RANBP17: variants seen among roughly 807,000 people sequenced by gnomAD.
RANBP17 encodes the protein ran-binding protein 17.
Under a neutral mutation model 141.2 loss-of-function variants are expected in RANBP17, and 158 were observed. The observed-to-expected ratio is 1.12, with a 90% CI of 0.98 to 1.28. The LOEUF (loss-of-function observed/expected upper bound fraction) is 1.28, where lower values mean the gene tolerates loss of function less well. Ranked by LOEUF, RANBP17 falls within the 50% of genes most tolerant of loss-of-function variation. The probability of loss-of-function intolerance (pLI) is 0.00; values close to 1 mark genes in which losing one functional copy is unlikely to be tolerated. For missense variants in RANBP17, 1,438 were observed against 1,290.7 expected, an observed-to-expected ratio of 1.11 and a Z score of -1.75; for synonymous variants, 430 against 450.0, an observed-to-expected ratio of 0.96 and a Z score of 0.56.
intron 21 of RANBP17, among the ~76,000 whole-genome samples, chr5:171,221,103 T>A (rs1763528254): frequency 6.6e-6 from 1 of 152,228 alleles, no homozygotes; most frequent in South Asian, 2.1e-4. Context: ...AAATCAAATA[T>A]GTCAGGAGGT....
intron 14 of RANBP17, among the ~76,000 whole-genome samples, chr5:171,140,050 G>T (rs1426002835): frequency 6.6e-6 from 1 of 152,010 alleles, no homozygotes. Context: ...ATTCTCTTCT[G>T]TTTCTCCCAA....
chr5:170,966,417 A>G (rs1192133160), intron 13 of RANBP17, among the ~76,000 whole-genome samples: 2 of 152,214 alleles, frequency 1.3e-5, no homozygotes, highest in African/African-American at 4.8e-5. Flanking sequence ...GTAATCCAGC[A>G]TATAAACAGA....
intron 24 of RANBP17, among the ~76,000 whole-genome samples, chr5:171,254,633 G>T (rs534897188): frequency 4.6e-5 from 7 of 152,270 alleles, no homozygotes; most frequent in African/African-American, 1.7e-4. Context: ...GTTTTAAGAA[G>T]TAATATATGT....
intron 23 of RANBP17, 56 bp from the exon 24 acceptor site, chr5:171,242,626 G>A (rs2127997523): frequency 1.9e-6 from 3 of 1,578,392 alleles, no homozygotes; most frequent in Non-Finnish European, 2.6e-6. Context: ...TCACTGGACT[G>A]TAACATGTAT....
chr5:170,964,273 A>T (rs1273711413), intron 13 of RANBP17, among the ~76,000 whole-genome samples: 1 of 152,206 alleles, frequency 6.6e-6, no homozygotes, highest in East Asian at 1.9e-4. Flanking sequence ...CATATGCAAG[A>T]TTGTTAATTG....
intron 16 of RANBP17, among the ~76,000 whole-genome samples, chr5:171,175,417 C>T (rs1165953493): frequency 6.6e-5 from 10 of 152,050 alleles, no homozygotes; most frequent in African/African-American, 1.7e-4. Flanking sequence ...AGTGTAAAAG[C>T]GTTCCTGTTT....
chr5:170,896,144 C>G, intron 5 of RANBP17, 29 bp downstream of exon 5: 1 of 1,487,556 alleles, frequency 6.7e-7, no homozygotes, highest in African/African-American at 1.4e-5. Flanking sequence ...CTAACAGGAG[C>G]CTGAGTTTGC....
intron 14 of RANBP17, among the ~76,000 whole-genome samples, chr5:171,098,020 T>C (rs532152007): frequency 6.6e-6 from 1 of 152,290 alleles, no homozygotes; most frequent in East Asian, 1.9e-4. Context: ...CCACATTTGC[T>C]TTATCCAGTC....
Position 170,953,657 on chromosome 5 carries a change from C to A in RANBP17, c.1529C>A (p.Thr510Asn), listed in dbSNP as rs749756483. 1 of 1,611,240 alleles carries A rather than the reference C, an allele frequency of 6.2e-7. No homozygotes were observed. Among genetic ancestry groups the A allele is most frequent in the Non-Finnish European group, 8.5e-7 (1 of 1,177,704 alleles). The change falls in exon 13 of 28, where the codon ACC becomes AAC. Residue 510 changes from threonine (T) to asparagine (N), a missense_variant. Coordinates refer to ENST00000523189, the MANE Select transcript of RANBP17 (RefSeq NM_022897.5). Reference sequence around the variant, plus strand: ...GTTGTAGGAGGAAGATTAACATATACCAGTACAGATGAGCATGATGCTATG... The same window carrying A: ...GTTGTAGGAGGAAGATTAACATATAACAGTACAGATGAGCATGATGCTATG... ...GTVVGGRLTY[T>N]STDEHDAMDG...
chr5:171,018,439 G>T (rs1208061762), intron 14 of RANBP17, among the ~76,000 whole-genome samples: 1 of 152,136 alleles, frequency 6.6e-6, no homozygotes, highest in Non-Finnish European at 1.5e-5. Flanking sequence ...TCCTTGAGCA[G>T]TTGTTTGTAG....
At chr5:171,047,019 T>TG (rs1782631979) in intron 14 of RANBP17, among the ~76,000 whole-genome samples, 1 of 145,054 alleles carries the variant, frequency 6.9e-6, no homozygotes, top group African/African-American at 2.5e-5. Context: ...TTTGCCTTTT[T>TG]TTTTTTTTTT....
At chr5:171,045,492 ATTTATAG>A (rs1782523720) in intron 14 of RANBP17, among the ~76,000 whole-genome samples, 1 of 152,150 alleles carries the variant, frequency 6.6e-6, no homozygotes, top group Admixed American at 6.5e-5. Flanking sequence ...AAAAAGAAAG[ATTTATAG>A]TAATAATGTA....
intron 14 of RANBP17, chr5:170,983,064 G>A: frequency 2.0e-6 from 1 of 505,256 alleles, no homozygotes; most frequent in Non-Finnish European, 3.9e-6. Context: ...TCTTTTACCA[G>A]GAAGTTGCTG....
rs755246243 is a variant in RANBP17, at chr5:171,242,779, T to C, written c.2735T>C (p.Met912Thr). 3.7e-6 allele frequency: 6 copies of C among 1,613,738 alleles called. No homozygotes were observed. Among genetic ancestry groups the C allele is most frequent in the Non-Finnish European group, 5.1e-6 (6 of 1,179,692 alleles). ...ATCAACTTAGAGCCTCCTGTACTCA[T>C]GTATGTTCTCACATCTATCTCAGAG... ...FIINLEPPVL[M>T]YVLTSISEGL... The change falls in exon 24 of 28, where the codon ATG (methionine) becomes ACG (threonine). Residue 912 changes from methionine to threonine, a missense_variant. Coordinates refer to ENST00000523189, the MANE Select transcript of RANBP17 (RefSeq NM_022897.5).
chr5:171,089,250 G>C (rs202000706), intron 14 of RANBP17, among the ~76,000 whole-genome samples: 1 of 87,442 alleles, frequency 1.1e-5, no homozygotes, highest in African/African-American at 3.2e-5. Flanking sequence ...TGCTGGGGGG[G>C]GCCTCCCAGT....
intron 16 of RANBP17, among the ~76,000 whole-genome samples, chr5:171,171,769 T>G (rs1454286963): frequency 2.0e-5 from 3 of 152,010 alleles, no homozygotes; most frequent in African/African-American, 7.2e-5. Context: ...AAAGGCACAA[T>G]GGAGTAATAC....
intron 12 of RANBP17, among the ~76,000 whole-genome samples, chr5:170,939,393 T>G (rs1461993345): frequency 6.8e-6 from 1 of 147,422 alleles, no homozygotes; most frequent in Non-Finnish European, 1.5e-5. Flanking sequence ...ATTTATTTAT[T>G]TATTTATTTA....
At chr5:171,070,939 A>G (rs1292054306) in intron 14 of RANBP17, among the ~76,000 whole-genome samples, 4 of 152,104 alleles carry the variant, frequency 2.6e-5, no homozygotes, top group Non-Finnish European at 4.4e-5. Flanking sequence ...TTAAATTTAA[A>G]ATATATATGT....
chr5:171,002,063 T>A (rs1779240254), intron 14 of RANBP17, among the ~76,000 whole-genome samples: 1 of 151,950 alleles, frequency 6.6e-6, no homozygotes, highest in Non-Finnish European at 1.5e-5. Context: ...GAATAGCAGA[T>A]GGAACACTGA....
Sources: allele counts gnomAD v4.1 joint callset (sites outside exome capture counted in the v4.1 genomes callset), GRCh38; gene constraint gnomAD v4.1.1; transcripts MANE v1.5; gene names NCBI Gene and HGNC (gene_info 2026-07-23, HGNC 2026-07-21).